VWF: variants seen among roughly 807,000 people sequenced by gnomAD.
The protein encoded by VWF is Factor VIII related antigen.
VWF carries 176 observed loss-of-function variants against 308.6 expected under a neutral mutation model. The ratio of observed to expected loss-of-function variants is 0.57; its 90% CI spans 0.50 to 0.65. VWF has a LOEUF of 0.65. VWF is among the 30% of genes least tolerant of loss of function. VWF has a pLI of 0.00. For synonymous variants in VWF, 1,385 were observed against 1,443.4 expected (o/e 0.96, Z 0.92); for missense variants, 3,146 against 3,648.2 (o/e 0.86, Z 3.55).
At position 6,019,098 on chromosome 12, in the gene VWF, C is replaced by G; in HGVS notation, c.4320G>C (p.Leu1440=). 1.2e-6 allele frequency: 2 copies of G among 1,613,896 alleles called. No individual in the cohort carries two copies. Among genetic ancestry groups the G allele is most frequent in the African/African-American group, 1.3e-5 (1 of 75,026 alleles). Reference sequence around the variant, plus strand: ...GCTGCTCCAGCTCATCCACACTGCTCAGCACGAAGGCCTTGTTCTCAGGGG... The same window carrying G: ...GCTGCTCCAGCTCATCCACACTGCTGAGCACGAAGGCCTTGTTCTCAGGGG... ...KQAPENKAFV[L]SSVDELEQQR... is the part of the protein sequence containing the mutation. The change falls in exon 28 of 52, where the codon CTG becomes CTC. Residue 1440 remains leucine (L), a synonymous_variant. Transcript: ENST00000261405. This position sits in a 1 kb window ranked among gnomAD's most constrained non-coding sequence, Gnocchi z 5.8.
chr12:6,068,099 C>T (rs1944738299), intron 10 of VWF, among the ~76,000 whole-genome samples: 1 of 147,098 alleles, frequency 6.8e-6, no homozygotes, highest in African/African-American at 2.5e-5. Context: ...CACGCCACTG[C>T]ACCCCAGCCT....
chr12:6,110,637 C>A lies in VWF; in HGVS notation c.324-55G>T, dbSNP rs923477539. ...GGCTTCTTGTGCATTTTCTGGATGT[C>A]TCTCCCACCTTCTAACCCCAACCCC... On this transcript the variant is annotated intron_variant, in intron 4 of 51. Transcript: ENST00000261405. 7 of 1,575,502 alleles carry A rather than the reference C, an allele frequency of 4.4e-6. No homozygotes were observed. The African/African-American group carries it at 9.5e-5, about 21-fold the overall frequency.
rs534489571 is a variant in VWF, at chr12:6,090,009, G to C, written c.657+5451C>G. 8.9e-4 allele frequency among the ~76,000 whole-genome samples: 136 copies of C among 152,106 alleles called. 1 individual carries two copies. The highest frequency in any genetic ancestry group is 1.7e-3 in the Non-Finnish European group (119 of 68,028). The stretch of plus-strand genomic sequence containing the variant: ...GTCTCGCTGTGTCACCCAGGCTGGA[G>C]TGCAGTAGTGCAATCTCGGCTCACT... On this transcript the variant is annotated intron_variant, in intron 6 of 51. Coordinates refer to ENST00000261405, the MANE Select transcript of VWF (RefSeq NM_000552.5).
Position 6,063,824 on chromosome 12 carries a change from C to G in VWF, c.1432+422G>C, listed in dbSNP as rs151261204. Among the ~76,000 whole-genome samples, 1 of 152,278 alleles carries G rather than the reference C, an allele frequency of 6.6e-6. No homozygotes were observed. Among genetic ancestry groups the G allele is most frequent in the Non-Finnish European group, 1.5e-5 (1 of 68,020 alleles). The stretch of plus-strand genomic sequence containing the variant: ...GACAGGCCAGAGGGTCACCTGGCCT[C>G]GCCCCAAGTGGCATCCTCTGGTGTG... On this transcript the variant is annotated intron_variant, in intron 12 of 51. Coordinates refer to ENST00000261405, the MANE Select transcript of VWF (RefSeq NM_000552.5). The surrounding 1 kb of genome is among the most constrained non-coding windows in gnomAD (Gnocchi z 4.9).
rs55842185 is a variant in VWF, at chr12:6,051,286, CTTTTTTTTT to C, written c.2186+1248_2186+1256del. 1.3e-3 allele frequency among the ~76,000 whole-genome samples: 149 copies of C among 117,516 alleles called. 1 individual carries two copies. Among genetic ancestry groups the C allele is most frequent in the East Asian group, 7.3e-3 (29 of 3,978 alleles). The allele number at this position is 117,516 out of a possible 152,430, so 77.1% of individuals were successfully genotyped here. A position where few individuals can be genotyped will look rare whatever the true frequency, so the allele number is the denominator to read the frequency against. On this transcript the variant is annotated intron_variant, in intron 16 of 51. Transcript: ENST00000261405. Reference sequence around the variant, plus strand: ...TTCCATAATCAGGACTTCTTTTTTTCTTTTTTTTTTTTTTTTTTTTTTTGAGATAGAGTC... The same window carrying C: ...TTCCATAATCAGGACTTCTTTTTTTCTTTTTTTTTTTTTTGAGATAGAGTC...
At chr12:6,067,826 G>A (rs1432755080) in intron 10 of VWF, among the ~76,000 whole-genome samples, 1 of 151,626 alleles carries the variant, frequency 6.6e-6, no homozygotes, top group African/African-American at 2.4e-5. Flanking sequence ...TCCTAAAACT[G>A]CATTTAAAAA....
At chr12:6,026,109 G>A (rs1402905436) in intron 22 of VWF, 63 bp from the exon 23 acceptor site, 2 of 1,611,180 alleles carry the variant, frequency 1.2e-6, no homozygotes, top group Admixed American at 1.7e-5. Flanking sequence ...CGGCTCAGGG[G>A]AAAGGGGAAC....
rs10535241 is a variant in VWF, at chr12:5,983,463, TGATA to T, written c.6977-213_6977-210del. On this transcript the variant is annotated intron_variant, in intron 40 of 51. Coordinates refer to ENST00000261405, the MANE Select transcript of VWF (RefSeq NM_000552.5). ...GATAACTAGATACATGAGATAGATT[TGATA>T]GATAGATAGATACATACATACATAC... is the stretch of plus-strand genomic sequence containing the variant. Among the ~76,000 whole-genome samples, 91,155 of 149,496 alleles carry T rather than the reference TGATA, an allele frequency of 0.61. 28,197 individuals carry two copies. The highest frequency in any genetic ancestry group is 0.69 in the Admixed American group (10,297 of 15,020).
intron 6 of VWF, among the ~76,000 whole-genome samples, chr12:6,081,815 T>G (rs1944914013): frequency 6.6e-6 from 1 of 152,178 alleles, no homozygotes; most frequent in Non-Finnish European, 1.5e-5. Context: ...ACATGAGATA[T>G]CCCAACAGAT....
At chr12:6,103,451 T>TGTGTATATACATACAC (rs1945201456) in intron 5 of VWF, among the ~76,000 whole-genome samples, 1 of 95,982 alleles carries the variant, frequency 1.0e-5, no homozygotes, top group Non-Finnish European at 2.0e-5. Context: ...TACATACACA[T>TGTGTATATACATACAC]ATATGTGTAT....
At chr12:6,110,694 G>T in intron 4 of VWF, 112 bp from the exon 5 acceptor site, 1 of 1,357,566 alleles carries the variant, frequency 7.4e-7, no homozygotes, top group Non-Finnish European at 1.1e-6. Flanking sequence ...GGTGCAAAGT[G>T]GCTGAGGACC....
intron 43 of VWF, among the ~76,000 whole-genome samples, chr12:5,972,191 T>C (rs1335127678): frequency 1.3e-5 from 2 of 152,282 alleles, no homozygotes; most frequent in African/African-American, 4.8e-5. Context: ...AGAGGTTACT[T>C]GACATTTACC....
intron 15 of VWF, among the ~76,000 whole-genome samples, chr12:6,055,159 G>A (rs981406941): frequency 3.9e-5 from 6 of 152,166 alleles, no homozygotes; most frequent in Non-Finnish European, 7.3e-5. Flanking sequence ...TCTGTTCAGT[G>A]GAGGTTAAGA....
In VWF at chr12:6,110,381, G is replaced by A. The variant is rs1945294119; in HGVS notation, c.525C>T (p.Thr175=). Residue 175 remains threonine (T), a synonymous_variant, in exon 5 of 52, where the codon ACC becomes ACT. Transcript: ENST00000261405. ...FNIFAEDDFM[T]QEGTLTSDPY... is the part of the protein sequence containing the mutation. The stretch of plus-strand genomic sequence containing the variant: ...TATCCCAGAACATCTTACCTTCTTG[G>A]GTCATAAAGTCATCTTCAGCAAAGA... 6.2e-7 allele frequency: 1 copy of A among 1,614,048 alleles called. No homozygotes were observed. The highest frequency in any genetic ancestry group is 8.5e-7 in the Non-Finnish European group (1 of 1,179,918).
intron 15 of VWF, 25 bp downstream of exon 15, chr12:6,056,832 G>A (rs951966233): frequency 1.5e-6 from 2 of 1,360,062 alleles, no homozygotes; most frequent in Admixed American, 4.0e-5. Flanking sequence ...CGGCCCGGAG[G>A]GCTGCGGGCA....
chr12:5,972,677 G>A (rs1195874451), intron 43 of VWF, among the ~76,000 whole-genome samples: 3 of 152,038 alleles, frequency 2.0e-5, no homozygotes, highest in Non-Finnish European at 4.4e-5. Context: ...TGATATCACC[G>A]CCCACCTCCC....
intron 47 of VWF, 78 bp from the exon 48 acceptor site, chr12:5,953,672 G>T: frequency 8.4e-7 from 1 of 1,184,478 alleles, no homozygotes; most frequent in Non-Finnish European, 1.3e-6. Context: ...GATTTTGCTG[G>T]CCTCTCATCT....
At position 6,109,290 on chromosome 12, in the gene VWF, T is replaced by C. The variant is rs576912357; in HGVS notation, c.532+1084A>G. Reference sequence around the variant, plus strand: ...ATACATATATATACACACACATATATAATTACATATATACACACATATACA... The same window carrying C: ...ATACATATATATACACACACATATACAATTACATATATACACACATATACA... On this transcript the variant is annotated intron_variant, in intron 5 of 51. Coordinates refer to ENST00000261405, the MANE Select transcript of VWF (RefSeq NM_000552.5). Among the ~76,000 whole-genome samples, 63 of 149,934 alleles carry C rather than the reference T, an allele frequency of 4.2e-4. 1 individual carries two copies. In the South Asian group the frequency reaches 0.013, roughly 31 times the overall value.
At chr12:5,974,905 A>G (rs950653304) in intron 43 of VWF, among the ~76,000 whole-genome samples, 2 of 152,330 alleles carry the variant, frequency 1.3e-5, no homozygotes, top group Non-Finnish European at 2.9e-5. Flanking sequence ...AATGGGTTCT[A>G]TTCTTTGCAA....
Sources: gnomAD v4.1 joint callset for allele counts (sites outside exome capture counted in the v4.1 genomes callset) on GRCh38, gnomAD v4.1.1 for gene constraint, Gnocchi (gnomAD v3.1) non-coding constraint, MANE v1.5 for transcripts, NCBI Gene and HGNC (gene_info 2026-07-23, HGNC 2026-07-21) for gene names.